Variants in PCDHGA4 observed in about 807,000 individuals in gnomAD.
PCDHGA4 encodes the protein protocadherin gamma subfamily A, 4, also known as protocadherin gamma-A4.
In PCDHGA4, 38 loss-of-function variants were observed where a neutral mutation model predicts 54.6. The ratio of observed to expected loss-of-function variants is 0.70; its 90% CI spans 0.54 to 0.91. PCDHGA4 has a LOEUF of 0.91. Ranked by LOEUF, PCDHGA4 falls within the 40% of genes least tolerant of loss-of-function variation. The pLI, the probability that PCDHGA4 is intolerant of heterozygous loss-of-function variation, is 0.00. For synonymous variants in PCDHGA4, 511 were observed against 512.9 expected, an observed-to-expected ratio of 1.00 and a Z score of 0.05; for missense variants, 1,298 against 1,220.9, an observed-to-expected ratio of 1.06 and a Z score of -0.94.
At chr5:141,454,850 C>T (rs1208208678) in intron 1 of PCDHGA4, among the ~76,000 whole-genome samples, 3 of 132,848 alleles carry the variant, frequency 2.3e-5, no homozygotes, top group Non-Finnish European at 4.6e-5. Flanking sequence ...CTCTGTCACC[C>T]AGGCTGGAGT....
intron 2 of PCDHGA4, among the ~76,000 whole-genome samples, chr5:141,498,963 GGGAGGGAGGGAAGGAAGGAA>G (rs1472475865): frequency 5.7e-4 from 74 of 129,970 alleles, no homozygotes; most frequent in Non-Finnish European, 2.6e-4. Flanking sequence ...GAGAGAGGGA[GGGAGGGAGGGAAGGAAGGAA>G]GGAAGGAAGG....
At chr5:141,430,818 T>G (rs1240970813) in intron 1 of PCDHGA4, 2 of 1,540,582 alleles carry the variant, frequency 1.3e-6, no homozygotes, top group Non-Finnish European at 1.7e-6. Flanking sequence ...GGAATCCTCC[T>G]GGGGACTCTG....
chr5:141,403,212 C>T (rs755734755), intron 1 of PCDHGA4: 8 of 1,613,834 alleles, frequency 5.0e-6, no homozygotes, highest in East Asian at 2.2e-5. Context: ...TTGGTCACCG[C>T]GGGTAGGATA....
intron 1 of PCDHGA4, among the ~76,000 whole-genome samples, chr5:141,386,991 A>G (rs1218503150): frequency 6.6e-6 from 1 of 152,212 alleles, no homozygotes; most frequent in Non-Finnish European, 1.5e-5. Context: ...GAGGCTATGT[A>G]TTATCCCCCT....
At chr5:141,388,261 T>G (rs1439243738) in intron 1 of PCDHGA4, 1 of 1,611,348 alleles carries the variant, frequency 6.2e-7, no homozygotes, top group East Asian at 2.2e-5. Context: ...ATCGAGGACA[T>G]TAATGACCAC....
intron 1 of PCDHGA4, chr5:141,420,546 G>T: frequency 3.5e-6 from 1 of 284,254 alleles, no homozygotes; most frequent in Admixed American, 5.0e-5. Flanking sequence ...ATAAAATACA[G>T]GTATATTTTT....
chr5:141,371,538 A>G, intron 1 of PCDHGA4: 1 of 1,613,804 alleles, frequency 6.2e-7, no homozygotes, highest in Non-Finnish European at 8.5e-7. Context: ...TAATGGAGAA[A>G]TCCTATGCCA....
chr5:141,364,466 G>C (rs1391136210), intron 1 of PCDHGA4: 2 of 1,613,872 alleles, frequency 1.2e-6, no homozygotes, highest in Non-Finnish European at 8.5e-7. Flanking sequence ...CTCCTTCGTC[G>C]GCAACATAGC....
rs778927487 is a variant in PCDHGA4, at chr5:141,364,377, C to A, written c.2514+6756C>A. On this transcript the variant is annotated intron_variant, in intron 1 of 3. Transcript: ENST00000571252. ...TGGGGCTGCGGAGAGCTGCTGCTGC[C>A]CTTCATGCTCCTGGGGACGCTGTGC... is the stretch of plus-strand genomic sequence containing the variant. 6.3e-6 allele frequency: 10 copies of A among 1,577,000 alleles called. No individual in the cohort carries two copies. In the South Asian group the frequency reaches 7.0e-5, roughly 11 times the overall value.
intron 1 of PCDHGA4, chr5:141,394,269 C>G (rs367765478): frequency 1.1e-5 from 17 of 1,613,830 alleles, no homozygotes; most frequent in Admixed American, 1.7e-5. Flanking sequence ...GGAGAATGCC[C>G]AGGTCACTTA....
At chr5:141,447,163 G>T (rs11167747) in intron 1 of PCDHGA4, among the ~76,000 whole-genome samples, 6,233 of 151,894 alleles carry the variant, frequency 0.041, 196 homozygotes, top group Admixed American at 0.075. Flanking sequence ...TGTTTAAGCG[G>T]GGTCTTGCTC....
Position 141,366,331 on chromosome 5 carries a change from G to C in PCDHGA4, c.2514+8710G>C, listed in dbSNP as rs1425078679. 11 of 1,613,846 alleles carry C rather than the reference G, an allele frequency of 6.8e-6. No homozygotes were observed. In the East Asian group the frequency reaches 1.6e-4, roughly 23 times the overall value. On this transcript the variant is annotated intron_variant, in intron 1 of 3. Coordinates refer to ENST00000571252, the MANE Select transcript of PCDHGA4 (RefSeq NM_018917.4). The stretch of plus-strand genomic sequence containing the variant: ...CGGTCACCGTTGCCGTGGCCGACAG[G>C]ATCCCTGACATCCTGGCTGACCTAG...
intron 1 of PCDHGA4, among the ~76,000 whole-genome samples, chr5:141,369,429 C>T (rs940701313): frequency 2.0e-5 from 3 of 152,160 alleles, no homozygotes; most frequent in Admixed American, 6.5e-5. Context: ...CAATTTGGGA[C>T]GCTGAGGTGG....
Position 141,476,873 on chromosome 5 carries a change from G to A in PCDHGA4, c.2515-17934G>A. 1.9e-6 allele frequency: 3 copies of A among 1,613,936 alleles called. No homozygotes were observed. Among genetic ancestry groups the A allele is most frequent in the Non-Finnish European group, 2.5e-6 (3 of 1,180,038 alleles). Reference sequence around the variant, plus strand: ...CAACCAGTCCTTGTACCGGGCGCGCGTCCTGGAGGATGCACCCTCCGGCAC... The same window carrying A: ...CAACCAGTCCTTGTACCGGGCGCGCATCCTGGAGGATGCACCCTCCGGCAC... On this transcript the variant is annotated intron_variant, in intron 1 of 3. Transcript: ENST00000571252. The surrounding 1 kb of genome is among the most constrained non-coding windows in gnomAD (Gnocchi z 7.6).
At chr5:141,376,677 T>TG in intron 1 of PCDHGA4, 1 of 105,326 alleles carries the variant, frequency 9.5e-6, no homozygotes, top group Non-Finnish European at 1.5e-5. Context: ...GAGGGTATCG[T>TG]TTTTTTTTTT....
At chr5:141,376,404 A>C in intron 1 of PCDHGA4, 1 of 1,614,178 alleles carries the variant, frequency 6.2e-7, no homozygotes, top group Non-Finnish European at 8.5e-7. Flanking sequence ...CCCCAGCCCA[A>C]CTATGCCGAC....
At chr5:141,478,694 T>A (rs2099472305) in intron 1 of PCDHGA4, 1 of 1,550,598 alleles carries the variant, frequency 6.4e-7, no homozygotes, top group Admixed American at 2.0e-5. Flanking sequence ...TAGATCAAAG[T>A]TAGTGCCTTT....
At position 141,356,537 on chromosome 5, in the gene PCDHGA4, A is replaced by T. The variant is rs749492777; in HGVS notation, c.1430A>T (p.Asn477Ile). ...THISLQVMDI[N>I]DNPPTFPHAS... ...ATTTCACTGCAAGTGATGGACATCAATGACAACCCACCCACTTTCCCTCAT... is the reference window on the plus strand; with the variant it reads ...ATTTCACTGCAAGTGATGGACATCATTGACAACCCACCCACTTTCCCTCAT... Residue 477 changes from asparagine (N) to isoleucine (I), a missense_variant, in exon 1 of 4, where the codon AAT becomes ATT. Asn to Ile is a moderately radical substitution (Grantham distance 149). Coordinates refer to ENST00000571252, the MANE Select transcript of PCDHGA4 (RefSeq NM_018917.4). 2 of 1,614,146 alleles carry T rather than the reference A, an allele frequency of 1.2e-6. No individual in the cohort carries two copies. Among genetic ancestry groups the T allele is most frequent in the South Asian group, 2.2e-5 (2 of 91,078 alleles).
At chr5:141,384,090 A>T in intron 1 of PCDHGA4, 3 of 1,596,410 alleles carry the variant, frequency 1.9e-6, no homozygotes, top group Non-Finnish European at 2.6e-6. Flanking sequence ...TAGAAAAATC[A>T]ATAGATAATT....
Sources: allele counts gnomAD v4.1 joint callset (sites outside exome capture counted in the v4.1 genomes callset), GRCh38; gene constraint gnomAD v4.1.1; non-coding constraint Gnocchi (gnomAD v3.1); transcripts MANE v1.5; gene names NCBI Gene and HGNC (gene_info 2026-07-23, HGNC 2026-07-21).